Variants in ZNF320 observed in about 807,000 individuals in gnomAD.
ZNF320 encodes zinc finger protein 320.
Under a neutral mutation model 6.8 loss-of-function variants are expected in ZNF320, and 2 were observed. The observed-to-expected ratio is 0.29, with a 90% CI of 0.12 to 0.93. The LOEUF (loss-of-function observed/expected upper bound fraction) is 0.93, where lower values mean the gene tolerates loss of function less well. Ranked by LOEUF, ZNF320 falls within the 40% of genes least tolerant of loss-of-function variation. The probability of loss-of-function intolerance (pLI) is 0.55; values close to 1 mark genes in which losing one functional copy is unlikely to be tolerated. For missense variants in ZNF320, 472 were observed against 611.0 expected, an observed-to-expected ratio of 0.77 and a Z score of 2.40; for synonymous variants, 208 against 203.2, an observed-to-expected ratio of 1.02 and a Z score of -0.20.
At chr19:52,883,614 T>G (rs1343161798) in intron 5 of ZNF320, 5 of 455,458 alleles carry the variant, frequency 1.1e-5, no homozygotes, top group Admixed American at 2.4e-5. Context: ...AAGAATTGAC[T>G]AATGGCCGGC....
exon 6 of ZNF320, among the ~76,000 whole-genome samples, chr19:52,863,284 TAAAC>T (rs1287975380): frequency 1.3e-5 from 2 of 152,208 alleles, no homozygotes; most frequent in Non-Finnish European, 2.9e-5. Flanking sequence ...CTCTGTGTCT[TAAAC>T]AAATGACAGT....
intron 5 of ZNF320, among the ~76,000 whole-genome samples, chr19:52,866,536 T>C (rs2063575603): frequency 6.6e-6 from 1 of 151,896 alleles, no homozygotes; most frequent in Non-Finnish European, 1.5e-5. Flanking sequence ...ACCTTGAAAA[T>C]GTGGAACATT....
upstream of ZNF320, among the ~76,000 whole-genome samples, chr19:52,901,226 A>G (rs1301601750): frequency 6.6e-6 from 1 of 152,182 alleles, no homozygotes; most frequent in Non-Finnish European, 1.5e-5. Flanking sequence ...GTACACTTAT[A>G]ATAACTATAA....
chr19:52,900,180 G>C (rs952586308), upstream of ZNF320, among the ~76,000 whole-genome samples: 16 of 152,228 alleles, frequency 1.1e-4, no homozygotes, highest in African/African-American at 3.9e-4. Context: ...TGGAATTCCG[G>C]GTGGGCCTCA....
In ZNF320 at chr19:52,884,211, T is replaced by G. The variant is rs140282758; in HGVS notation, c.143-2228A>C. ...CAAATTCATGAGAAATAAATTTCTG[T>G]GTCTTAAGCTTCCCAGTTTAAGCTA... On this transcript the variant is annotated intron_variant, in intron 5 of 5. Transcript: ENST00000682928. 4.6e-5 allele frequency among the ~76,000 whole-genome samples: 7 copies of G among 152,334 alleles called. No homozygotes were observed. The East Asian group carries it at 1.4e-3, about 29-fold the overall frequency.
At chr19:52,863,209 T>C (rs778078309) in exon 6 of ZNF320, among the ~76,000 whole-genome samples, 5 of 152,118 alleles carry the variant, frequency 3.3e-5, no homozygotes, top group African/African-American at 4.8e-5. Context: ...AATGAATATA[T>C]AATACATAGA....
intron 5 of ZNF320, among the ~76,000 whole-genome samples, chr19:52,866,072 A>ATATGATTATACATATATTTATATATG (rs71183848): frequency 7.1e-5 from 8 of 112,944 alleles, no homozygotes; most frequent in Admixed American, 1.9e-4. Flanking sequence ...ATATTTATAT[A>ATATGATTATACATATATTTATATATG]TATGATTATA....
upstream of ZNF320, among the ~76,000 whole-genome samples, chr19:52,898,548 A>G (rs541893796): frequency 6.8e-4 from 103 of 152,354 alleles, 1 homozygote; most frequent in South Asian, 0.021. Context: ...GCGGCAGACA[A>G]AACTTCTCAG....
Position 52,877,375 on chromosome 19 carries a change from C to G in ZNF320, c.*3221G>C, listed in dbSNP as rs912058342. 5 of 152,160 alleles carry G rather than the reference C, an allele frequency of 3.3e-5. No homozygotes were observed. The highest frequency in any genetic ancestry group is 4.8e-5 in the African/African-American group (2 of 41,440). The allele number at this position is 152,160 out of a possible 1,614,324, so 9.4% of individuals were successfully genotyped here. ...TAACATTCTTTGAATCTTTGATCAG[C>G]CTTTCACTAAATACACAATTTATAT... On this transcript the variant is annotated 3_prime_UTR_variant, in exon 6 of 6. Transcript: ENST00000682928.
intron 5 of ZNF320, among the ~76,000 whole-genome samples, chr19:52,870,407 G>A (rs35044582): frequency 0.49 from 72,440 of 149,132 alleles, 18,295 homozygotes; most frequent in Non-Finnish European, 0.53. Flanking sequence ...TGAACCTGGA[G>A]GCGGAGCTTG....
At chr19:52,882,802 A>G (rs1440548135) in intron 5 of ZNF320, among the ~76,000 whole-genome samples, 2 of 152,054 alleles carry the variant, frequency 1.3e-5, no homozygotes, top group Non-Finnish European at 2.9e-5. Flanking sequence ...GTAGCCGGGC[A>G]TGGTCATGGG....
chr19:52,887,245 G>C (rs12462863), intron 5 of ZNF320, among the ~76,000 whole-genome samples: 28,355 of 151,354 alleles, frequency 0.19, 2,705 homozygotes, highest in East Asian at 0.27. Context: ...CCCATCTGGA[G>C]TTTTTTGTTA....
At chr19:52,883,358 C>A (rs867842872) in intron 5 of ZNF320, among the ~76,000 whole-genome samples, 3 of 152,122 alleles carry the variant, frequency 2.0e-5, no homozygotes, top group Non-Finnish European at 4.4e-5. Flanking sequence ...CTGTGCCCAG[C>A]GGCAGTTTGT....
upstream of ZNF320, among the ~76,000 whole-genome samples, chr19:52,898,801 A>G (rs866129506): frequency 3.9e-5 from 6 of 152,170 alleles, no homozygotes; most frequent in African/African-American, 1.2e-4. Context: ...CTTCTATACA[A>G]TGTCTGGAAT....
At chr19:52,868,274 C>T (rs115992416) in intron 5 of ZNF320, among the ~76,000 whole-genome samples, 2,584 of 152,114 alleles carry the variant, frequency 0.017, 82 homozygotes, top group African/African-American at 0.058. Context: ...TGGAAGACCG[C>T]GGTGGGTGGA....
chr19:52,872,815 T>G (rs879337648), downstream of ZNF320, among the ~76,000 whole-genome samples: 2 of 152,200 alleles, frequency 1.3e-5, no homozygotes, highest in African/African-American at 2.4e-5. Context: ...TCAGTATTTA[T>G]TGATCACTAT....
the ZNF320 span, among the ~76,000 whole-genome samples, chr19:52,903,742 CCA>C: frequency 6.6e-6 from 1 of 151,888 alleles, no homozygotes; most frequent in South Asian, 2.1e-4. Flanking sequence ...CATGCTCACA[CCA>C]CACATACTCA....
chr19:52,866,157 T>C lies in ZNF320; in HGVS notation c.224-1998A>G, dbSNP rs529896421. 5.5e-4 allele frequency among the ~76,000 whole-genome samples: 57 copies of C among 103,342 alleles called. 5 individuals are homozygous for C. Among genetic ancestry groups the C allele is most frequent in the Non-Finnish European group, 8.7e-4 (46 of 53,042 alleles). 67.8% of individuals were successfully genotyped at this position (103,342 alleles called of 152,430 possible). On this transcript the variant is annotated intron_variant, in intron 5 of 5. Coordinates refer to the ZNF320 transcript ENST00000673631. Reference sequence around the variant, plus strand: ...ATACATATATTTATATATGTATGATTATACATATATTTATATATATGATTA... The same window carrying C: ...ATACATATATTTATATATGTATGATCATACATATATTTATATATATGATTA...
rs1198593231 is a variant in ZNF320 at position 52,879,706 on chromosome 19, C to G, written c.*890G>C. ...GTGTAGAAAATCACAAAGAGTCAAC[C>G]AAAATGCAACTGGAACTAAAAAACA... On this transcript the variant is annotated 3_prime_UTR_variant, in exon 6 of 6. Transcript: ENST00000682928. 1.3e-5 allele frequency: 2 copies of G among 151,978 alleles called. No homozygotes were observed. The highest frequency in any genetic ancestry group is 2.9e-5 in the Non-Finnish European group (2 of 67,976). The allele number at this position is 151,978 out of a possible 1,614,324, so 9.4% of individuals were successfully genotyped here.
Sources: allele counts gnomAD v4.1 joint callset (sites outside exome capture counted in the v4.1 genomes callset), GRCh38; gene constraint gnomAD v4.1.1; transcripts MANE v1.5; gene names NCBI Gene and HGNC (gene_info 2026-07-23, HGNC 2026-07-21).